The following NTRK2 variants were observed in gnomAD, a reference collection of about 807,000 sequenced individuals.
The protein encoded by NTRK2 is BDNF/NT-3 growth factors receptor.
NTRK2 carries 13 observed loss-of-function variants against 94.5 expected under a neutral mutation model. The observed-to-expected ratio is 0.14, with a 90% CI of 0.09 to 0.22. NTRK2 has a LOEUF of 0.22. Among genes scored for constraint, NTRK2 ranks in the 10% least tolerant of loss-of-function variants. The pLI, the probability that NTRK2 is intolerant of heterozygous loss-of-function variation, is 1.00. For missense variants in NTRK2, 639 were observed against 1,071.2 expected, an observed-to-expected ratio of 0.60 and a Z score of 5.63; for synonymous variants, 372 against 407.4, an observed-to-expected ratio of 0.91 and a Z score of 1.05.
At chr9:84,721,624 G>A (rs1426337934) in intron 6 of NTRK2, among the ~76,000 whole-genome samples, 1 of 152,142 alleles carries the variant, frequency 6.6e-6, no homozygotes, top group African/African-American at 2.4e-5. Flanking sequence ...TCCACAGTGG[G>A]AGGTCAATAG....
chr9:84,958,379 G>A (rs1824438778), intron 17 of NTRK2, among the ~76,000 whole-genome samples: 1 of 152,144 alleles, frequency 6.6e-6, no homozygotes, highest in Non-Finnish European at 1.5e-5. Context: ...ACTGGACTTT[G>A]CCATCTACCA....
At chr9:84,733,147 A>G (rs71506661) in intron 9 of NTRK2, among the ~76,000 whole-genome samples, 13,581 of 152,162 alleles carry the variant, frequency 0.089, 1,115 homozygotes, top group African/African-American at 0.21. Flanking sequence ...AGAGAACATA[A>G]TTCAACTCTC....
At chr9:84,944,787 T>A (rs2078538409) in intron 15 of NTRK2, among the ~76,000 whole-genome samples, 1 of 152,200 alleles carries the variant, frequency 6.6e-6, no homozygotes, top group Non-Finnish European at 1.5e-5. Flanking sequence ...CTTCTTGGAT[T>A]CTTACGTGAG....
chr9:84,908,778 G>A (rs1027650374), intron 14 of NTRK2, among the ~76,000 whole-genome samples: 1 of 152,110 alleles, frequency 6.6e-6, no homozygotes, highest in Non-Finnish European at 1.5e-5. Context: ...GTGGCAAACT[G>A]TTCCTTACAA....
intron 6 of NTRK2, among the ~76,000 whole-genome samples, chr9:84,721,346 T>G (rs1177661559): frequency 6.6e-6 from 1 of 152,050 alleles, no homozygotes. Context: ...CGGCTAATTT[T>G]TTGTATTTTT....
At chr9:85,002,862 G>T (rs1459888247) in intron 17 of NTRK2, among the ~76,000 whole-genome samples, 1 of 152,152 alleles carries the variant, frequency 6.6e-6, no homozygotes, top group Non-Finnish European at 1.5e-5. Context: ...AGATGTCTAG[G>T]AATGCATTTC....
At chr9:84,700,369 T>C (rs554802412) in intron 2 of NTRK2, among the ~76,000 whole-genome samples, 1 of 152,194 alleles carries the variant, frequency 6.6e-6, no homozygotes, top group African/African-American at 2.4e-5. Flanking sequence ...TCCTTTCAAG[T>C]CTTAAAATGT....
rs1034630958 is a variant in NTRK2 at position 84,950,122 on chromosome 9, A to G, written c.1937+1488A>G. ...GAGTAGGCATGAGGACTGAACTAGAATAAGTATAGAAAGCTCTTAGCGTAG... is the reference window on the plus strand; with the variant it reads ...GAGTAGGCATGAGGACTGAACTAGAGTAAGTATAGAAAGCTCTTAGCGTAG... On this transcript the variant is annotated intron_variant, in intron 16 of 18. Transcript: ENST00000277120. Among the ~76,000 whole-genome samples, 5 of 152,342 alleles carry G rather than the reference A, an allele frequency of 3.3e-5. No individual in the cohort carries two copies. The East Asian group carries it at 7.7e-4, about 24-fold the overall frequency.
At chr9:84,929,575 T>A (rs925012913) in intron 14 of NTRK2, among the ~76,000 whole-genome samples, 4 of 151,712 alleles carry the variant, frequency 2.6e-5, no homozygotes, top group East Asian at 1.9e-4. Context: ...TTTTTTTTTT[T>A]AAATTTGAGA....
intron 12 of NTRK2, among the ~76,000 whole-genome samples, chr9:84,802,034 G>C (rs1046304509): frequency 2.6e-5 from 4 of 152,166 alleles, no homozygotes; most frequent in Non-Finnish European, 4.4e-5. Context: ...TTTGCATCAG[G>C]TTATGAAGTA....
chr9:84,813,673 C>T (rs2072061044), intron 12 of NTRK2: 4 of 1,066,170 alleles, frequency 3.8e-6, no homozygotes, highest in Non-Finnish European at 4.5e-6. Context: ...AATGTCTCCC[C>T]TCAACCCATT....
At chr9:84,701,976 G>A (rs1348565263) in intron 2 of NTRK2, among the ~76,000 whole-genome samples, 183 bp from the exon 3 acceptor site, 1 of 152,186 alleles carries the variant, frequency 6.6e-6, no homozygotes, top group Admixed American at 6.5e-5. Context: ...ATGAAACCTG[G>A]TCAGTCATGG....
intron 12 of NTRK2, chr9:84,813,682 T>C: frequency 1.3e-5 from 14 of 1,065,498 alleles, no homozygotes; most frequent in Non-Finnish European, 1.5e-5. Flanking sequence ...CCTCAACCCA[T>C]TCCCTGGTTG....
At chr9:85,002,824 T>C (rs1830473746) in intron 17 of NTRK2, among the ~76,000 whole-genome samples, 1 of 152,170 alleles carries the variant, frequency 6.6e-6, no homozygotes, top group Non-Finnish European at 1.5e-5. Context: ...GAGAAGAATC[T>C]CACCATGTCT....
intron 17 of NTRK2, among the ~76,000 whole-genome samples, chr9:84,991,859 A>G (rs963878569): frequency 6.6e-6 from 1 of 151,478 alleles, no homozygotes; most frequent in African/African-American, 2.4e-5. Flanking sequence ...GGGAGGGGAG[A>G]CCTCCCAGCC....
chr9:84,964,612 C>G (rs757227659), intron 17 of NTRK2, among the ~76,000 whole-genome samples: 32 of 152,232 alleles, frequency 2.1e-4, no homozygotes, highest in Non-Finnish European at 4.4e-4. Flanking sequence ...CCACTTTGAT[C>G]TCCCCAGACT....
Position 84,670,717 on chromosome 9 carries a change from A to T in NTRK2, c.-32A>T, listed in dbSNP as rs201659384. ...GGAAAGCGGCCGGTGCAGCGCGGGGACAGGCACTCGGGCTGGCACTGGCTG... is the reference window on the plus strand; with the variant it reads ...GGAAAGCGGCCGGTGCAGCGCGGGGTCAGGCACTCGGGCTGGCACTGGCTG... On this transcript the variant is annotated 5_prime_UTR_variant, in exon 2 of 19. Transcript: ENST00000277120. 1 of 1,605,218 alleles carries T rather than the reference A, an allele frequency of 6.2e-7. No individual in the cohort carries two copies. The highest frequency in any genetic ancestry group is 8.5e-7 in the Non-Finnish European group (1 of 1,176,170).
At chr9:84,813,893 A>G (rs74356179) in intron 12 of NTRK2, 38,301 of 1,065,350 alleles carry the variant, frequency 0.036, 829 homozygotes, top group Admixed American at 0.087. Context: ...CTCATGGCTC[A>G]ATGGGGGCCT....
intron 6 of NTRK2, 108 bp downstream of exon 6, chr9:84,710,899 G>T (rs985791127): frequency 9.5e-6 from 10 of 1,055,214 alleles, no homozygotes; most frequent in South Asian, 8.1e-5. Flanking sequence ...ATAGTATTCT[G>T]TTGATGTCTC....
Sources: allele counts gnomAD v4.1 joint callset (sites outside exome capture counted in the v4.1 genomes callset), GRCh38; gene constraint gnomAD v4.1.1; transcripts MANE v1.5; gene names NCBI Gene and HGNC (gene_info 2026-07-23, HGNC 2026-07-21).